The following SNTB2 variants were observed in gnomAD, a reference collection of about 807,000 sequenced individuals.
The protein encoded by SNTB2 is syntrophin beta 2, also known as beta-2-syntrophin.
SNTB2 carries 34 observed loss-of-function variants against 46.2 expected under a neutral mutation model. That is an observed-to-expected ratio of 0.74 (90% CI 0.56 to 0.98). The LOEUF (loss-of-function observed/expected upper bound fraction) is 0.98. SNTB2 is among the 50% of genes least tolerant of loss of function. SNTB2 has a pLI of 0.00. For synonymous variants in SNTB2, 290 were observed against 312.6 expected, an observed-to-expected ratio of 0.93 and a Z score of 0.76; for missense variants, 603 against 731.4, an observed-to-expected ratio of 0.82 and a Z score of 2.02.
chr16:69,304,078 C>T lies in SNTB2; in HGVS notation c.*3154C>T, dbSNP rs1326768762. On this transcript the variant is annotated 3_prime_UTR_variant, in exon 7 of 7. Coordinates refer to ENST00000336278, the MANE Select transcript of SNTB2 (RefSeq NM_006750.4). Reference sequence around the variant, plus strand: ...GAGTTGGTATATGAAAAGTCTCCCACCTTTTCTCCTAAAACTTCTCTCCTT... The same window carrying T: ...GAGTTGGTATATGAAAAGTCTCCCATCTTTTCTCCTAAAACTTCTCTCCTT... 2 of 152,112 alleles carry T rather than the reference C, an allele frequency of 1.3e-5. No individual in the cohort carries two copies. Among genetic ancestry groups the T allele is most frequent in the Non-Finnish European group, 2.9e-5 (2 of 68,018 alleles). 9.4% of individuals were successfully genotyped at this position (152,112 alleles called of 1,614,324 possible).
At chr16:69,296,094 A>C (rs1965220461) in intron 5 of SNTB2, among the ~76,000 whole-genome samples, 1 of 151,852 alleles carries the variant, frequency 6.6e-6, no homozygotes, top group Non-Finnish European at 1.5e-5. Context: ...AGCCTGACCA[A>C]CATGGAGAAA....
chr16:69,194,240 C>G (rs1964083175), intron 1 of SNTB2, among the ~76,000 whole-genome samples: 1 of 152,202 alleles, frequency 6.6e-6, no homozygotes, highest in African/African-American at 2.4e-5. Flanking sequence ...TGCTATACAT[C>G]TGCCCCTCTT....
At chr16:69,212,481 G>A (rs561813801) in intron 1 of SNTB2, among the ~76,000 whole-genome samples, 40 of 151,970 alleles carry the variant, frequency 2.6e-4, no homozygotes, top group Non-Finnish European at 3.8e-4. Context: ...TGGGACTACC[G>A]GCGTGTACCA....
intron 1 of SNTB2, among the ~76,000 whole-genome samples, chr16:69,204,405 T>C (rs74622956): frequency 0.032 from 4,806 of 152,280 alleles, 113 homozygotes; most frequent in Non-Finnish European, 0.048. Context: ...ATTCCATATA[T>C]GGAATATTAT....
rs1372661635 is a variant in SNTB2, at chr16:69,222,847, A to T, written c.581-22755A>T. Among the ~76,000 whole-genome samples the T allele has an allele frequency of 4.7e-5, 7 of 148,164 alleles. No individual in the cohort carries two copies. In the East Asian group the frequency reaches 8.3e-4, roughly 18 times the overall value. Reference sequence around the variant, plus strand: ...CCCAGGCTGGAGTGCAGTGGTGCGAACTTGGCTCACTGCAACCTCTGCCTC... The same window carrying T: ...CCCAGGCTGGAGTGCAGTGGTGCGATCTTGGCTCACTGCAACCTCTGCCTC... On this transcript the variant is annotated intron_variant, in intron 1 of 6. Coordinates refer to ENST00000336278, the MANE Select transcript of SNTB2 (RefSeq NM_006750.4).
Position 69,265,444 on chromosome 16 carries a change from C to G in SNTB2, c.1006-4699C>G, listed in dbSNP as rs192272080. The stretch of plus-strand genomic sequence containing the variant: ...AAAATAAAGAACCAGAAGTACATTG[C>G]CTGTGAAAAAGGGATTAAGGGATTT... On this transcript the variant is annotated intron_variant, in intron 3 of 6. Transcript: ENST00000336278. 9.2e-5 allele frequency among the ~76,000 whole-genome samples: 14 copies of G among 152,118 alleles called. No individual in the cohort carries two copies. In the East Asian group the frequency reaches 2.7e-3, roughly 29 times the overall value.
At chr16:69,232,892 C>G (rs1964522173) in intron 1 of SNTB2, among the ~76,000 whole-genome samples, 1 of 152,078 alleles carries the variant, frequency 6.6e-6, no homozygotes, top group Non-Finnish European at 1.5e-5. Flanking sequence ...TTTCTTTGGA[C>G]TTATTTCACT....
chr16:69,255,478 T>C (rs1964764382), intron 2 of SNTB2, among the ~76,000 whole-genome samples: 1 of 150,524 alleles, frequency 6.6e-6, no homozygotes, highest in African/African-American at 2.5e-5. Context: ...AAGAATGGCG[T>C]GAACCTGGGA....
At chr16:69,240,364 A>T (rs958592033) in intron 1 of SNTB2, among the ~76,000 whole-genome samples, 1 of 152,214 alleles carries the variant, frequency 6.6e-6, no homozygotes, top group Non-Finnish European at 1.5e-5. Flanking sequence ...AATGGCCAGG[A>T]GACTTGAGCT....
intron 2 of SNTB2, among the ~76,000 whole-genome samples, chr16:69,252,376 A>G (rs1964735189): frequency 6.6e-6 from 1 of 152,174 alleles, no homozygotes; most frequent in South Asian, 2.1e-4. Context: ...TTAAATAATG[A>G]TGAAGTCCAA....
Position 69,262,286 on chromosome 16 carries a change from G to A in SNTB2, c.1005+2026G>A, listed in dbSNP as rs960562269. ...AAGTTTGGATAGTGAGAGTTCAGAG[G>A]GTAGGGGATATTTCTTTTTTGTTGC... On this transcript the variant is annotated intron_variant, in intron 3 of 6. Transcript: ENST00000336278. Among the ~76,000 whole-genome samples the A allele has an allele frequency of 4.8e-4, 73 of 151,964 alleles. 1 individual carries two copies. The highest frequency in any genetic ancestry group is 1.6e-3 in the African/African-American group (68 of 41,406).
At position 69,305,344 on chromosome 16, in the gene SNTB2, T is replaced by C. The variant is rs940166255; in HGVS notation, c.*4420T>C. ...TTTTGTATCTTATCTTGGACACTTATGCTGAATTATGTTCTTATTATTTTC... is the reference window on the plus strand; with the variant it reads ...TTTTGTATCTTATCTTGGACACTTACGCTGAATTATGTTCTTATTATTTTC... On this transcript the variant is annotated 3_prime_UTR_variant, in exon 7 of 7. Transcript: ENST00000336278. 12 of 152,546 alleles carry C rather than the reference T, an allele frequency of 7.9e-5. No individual in the cohort carries two copies. The highest frequency in any genetic ancestry group is 2.4e-4 in the African/African-American group (10 of 41,580). 9.4% of individuals were successfully genotyped at this position (152,546 alleles called of 1,614,324 possible). A position where few individuals can be genotyped will look rare whatever the true frequency, so the allele number is the denominator to read the frequency against.
intron 1 of SNTB2, among the ~76,000 whole-genome samples, chr16:69,217,582 C>A (rs986528457): frequency 3.3e-5 from 5 of 152,116 alleles, no homozygotes; most frequent in African/African-American, 1.2e-4. Context: ...ACTATAAAGA[C>A]CCAGTGAGCA....
intron 4 of SNTB2, among the ~76,000 whole-genome samples, chr16:69,273,566 C>T (rs989997270): frequency 4.6e-5 from 7 of 152,026 alleles, no homozygotes; most frequent in Non-Finnish European, 7.4e-5. Context: ...TGGTTGCCGG[C>T]GGGGGAGCTA....
intron 1 of SNTB2, among the ~76,000 whole-genome samples, chr16:69,221,163 A>G (rs1195062293): frequency 2.0e-5 from 3 of 152,246 alleles, no homozygotes; most frequent in African/African-American, 7.2e-5. Context: ...GGTTTAAAAC[A>G]TTCAAAACTA....
At chr16:69,295,435 A>C (rs1965214546) in intron 5 of SNTB2, among the ~76,000 whole-genome samples, 1 of 151,226 alleles carries the variant, frequency 6.6e-6, no homozygotes, top group African/African-American at 2.4e-5. Context: ...TTTTTAGTAG[A>C]GACAGGGTTT....
intron 4 of SNTB2, among the ~76,000 whole-genome samples, chr16:69,280,529 C>T (rs1441972706): frequency 8.0e-5 from 11 of 137,600 alleles, no homozygotes; most frequent in African/African-American, 2.7e-4. Context: ...GGCGGCTGGC[C>T]GGGCGGGGGG....
intron 1 of SNTB2, among the ~76,000 whole-genome samples, chr16:69,205,966 A>G (rs111634881): frequency 9.9e-5 from 15 of 152,256 alleles, no homozygotes; most frequent in African/African-American, 3.1e-4. Flanking sequence ...AAGTGATGGG[A>G]ATGTAGGAAC....
intron 2 of SNTB2, among the ~76,000 whole-genome samples, chr16:69,254,335 G>A (rs1367711105): frequency 1.3e-5 from 2 of 152,122 alleles, no homozygotes; most frequent in African/African-American, 4.8e-5. Flanking sequence ...GCCTCTTAGG[G>A]ATTCTCCAAC....
Sources: gnomAD v4.1 joint callset for allele counts (sites outside exome capture counted in the v4.1 genomes callset) on GRCh38, gnomAD v4.1.1 for gene constraint, MANE v1.5 for transcripts, NCBI Gene and HGNC (gene_info 2026-07-23, HGNC 2026-07-21) for gene names.